Variants in ZNF254 observed in about 807,000 individuals in gnomAD.
ZNF254 encodes CTD-2017D11.1.
A neutral mutation model predicts 12.4 loss-of-function variants in ZNF254; 10 were observed. The observed-to-expected ratio is 0.80, with a 90% CI of 0.50 to 1.36. The LOEUF (loss-of-function observed/expected upper bound fraction) is 1.36, where lower values mean the gene tolerates loss of function less well. Among genes scored for constraint, ZNF254 ranks in the 40% most tolerant of loss-of-function variants. The pLI, the probability that ZNF254 is intolerant of heterozygous loss-of-function variation, is 0.00. For missense variants in ZNF254, 996 were observed against 763.9 expected, an observed-to-expected ratio of 1.30 and a Z score of -3.58; for synonymous variants, 305 against 253.4, an observed-to-expected ratio of 1.20 and a Z score of -1.93.
At chr19:24,087,078 T>G, upstream of ZNF254, 1 of 503,744 alleles carries the variant, frequency 2.0e-6, no homozygotes, top group Non-Finnish European at 3.7e-6. Flanking sequence ...TCACTCAGGG[T>G]CTGAGTAGGC....
intron 3 of ZNF254, among the ~76,000 whole-genome samples, chr19:24,116,165 T>A (rs930380983): frequency 2.0e-5 from 3 of 151,194 alleles, no homozygotes; most frequent in Non-Finnish European, 4.5e-5. Context: ...AATATGACAA[T>A]TATGTGTCTT....
At chr19:24,106,290 A>C (rs1812506146) in intron 2 of ZNF254, 3 of 614,294 alleles carry the variant, frequency 4.9e-6, no homozygotes, top group Non-Finnish European at 7.3e-6. Flanking sequence ...TAATTTCAGA[A>C]GTTTAGTGGC....
intron 1 of ZNF254, chr19:24,103,807 C>G (rs1208992494): frequency 2.0e-5 from 3 of 152,344 alleles, no homozygotes; most frequent in Non-Finnish European, 4.4e-5. Flanking sequence ...TCACTGCAAC[C>G]TCTGCCTCCC....
chr19:24,049,214 ATTTT>A (rs66491625), intron 2 of ZNF254, among the ~76,000 whole-genome samples: 6 of 40,866 alleles, frequency 1.5e-4, no homozygotes, highest in Middle Eastern at 0.021. Context: ...ATATATATAT[ATTTT>A]TTTTTTTTTT....
At chr19:24,115,661 A>G (rs1358962291) in intron 3 of ZNF254, among the ~76,000 whole-genome samples, 1 of 152,144 alleles carries the variant, frequency 6.6e-6, no homozygotes, top group African/African-American at 2.4e-5. Context: ...GTACCGTAAA[A>G]CTTAAAGTAT....
intron 1 of ZNF254, among the ~76,000 whole-genome samples, chr19:24,103,349 C>T (rs1973143193): frequency 6.6e-6 from 1 of 152,088 alleles, no homozygotes; most frequent in Non-Finnish European, 1.5e-5. Context: ...CATTTATGGA[C>T]CATTTCCAAA....
In ZNF254 at chr19:24,129,932, A is replaced by G. The variant is rs1309316846; in HGVS notation, c.*1952A>G. 3 of 152,144 alleles carry G rather than the reference A, an allele frequency of 2.0e-5. No homozygotes were observed. Among genetic ancestry groups the G allele is most frequent in the Non-Finnish European group, 4.4e-5 (3 of 68,016 alleles). 9.4% of individuals were successfully genotyped at this position (152,144 alleles called of 1,614,324 possible). ...AATTGATTTACATAAAATTAAATAT[A>G]TACTTCTATTAAAGATAAACCTTAG... On this transcript the variant is annotated 3_prime_UTR_variant, in exon 4 of 4. Coordinates refer to ENST00000357002, the MANE Select transcript of ZNF254 (RefSeq NM_203282.4).
intron 3 of ZNF254, among the ~76,000 whole-genome samples, chr19:24,117,426 T>C (rs6511684): frequency 0.49 from 74,148 of 152,028 alleles, 19,014 homozygotes; most frequent in African/African-American, 0.64. Context: ...GCCTCGCTGC[T>C]GCCTTGCAGT....
intron 3 of ZNF254, among the ~76,000 whole-genome samples, chr19:24,123,813 A>G (rs1974647611): frequency 6.6e-6 from 1 of 152,070 alleles, no homozygotes; most frequent in African/African-American, 2.4e-5. Context: ...CATTTGATTA[A>G]TATTTGCATG....
intron 2 of ZNF254, among the ~76,000 whole-genome samples, chr19:24,075,537 G>A (rs765793598): frequency 3.9e-5 from 6 of 152,138 alleles, no homozygotes; most frequent in Non-Finnish European, 7.4e-5. Context: ...GGGAGTGTAC[G>A]AATAGGGTGT....
intron 2 of ZNF254, among the ~76,000 whole-genome samples, chr19:24,056,754 A>T (rs941007983): frequency 2.6e-5 from 4 of 152,220 alleles, no homozygotes; most frequent in African/African-American, 9.6e-5. Flanking sequence ...GAGCATTGTG[A>T]CATATCACTC....
chr19:24,038,394 C>T (rs1039303600), intron 1 of ZNF254, among the ~76,000 whole-genome samples: 1 of 152,168 alleles, frequency 6.6e-6, no homozygotes, highest in African/African-American at 2.4e-5. Context: ...GTCAGTTCTT[C>T]TACTTGAGAA....
intron 3 of ZNF254, among the ~76,000 whole-genome samples, chr19:24,122,731 C>T (rs1974566381): frequency 6.6e-6 from 1 of 151,988 alleles, no homozygotes; most frequent in Non-Finnish European, 1.5e-5. Flanking sequence ...TTTTATATTT[C>T]AAATTATATC....
At chr19:24,088,820 C>T (rs943584103) in intron 1 of ZNF254, among the ~76,000 whole-genome samples, 1 of 151,794 alleles carries the variant, frequency 6.6e-6, no homozygotes, top group Non-Finnish European at 1.5e-5. Flanking sequence ...CCACGCCTGG[C>T]TAATTTTTGT....
intron 2 of ZNF254, among the ~76,000 whole-genome samples, chr19:24,057,797 CTCAT>C (rs1303872677): frequency 1.3e-5 from 2 of 152,238 alleles, no homozygotes; most frequent in Non-Finnish European, 2.9e-5. Context: ...GATTGTGTCT[CTCAT>C]TCAATGATTC....
chr19:24,103,112 A>C (rs1184099424), intron 1 of ZNF254, among the ~76,000 whole-genome samples: 6 of 152,236 alleles, frequency 3.9e-5, no homozygotes, highest in African/African-American at 1.4e-4. Flanking sequence ...AGACTTACTC[A>C]GAAAATTGCT....
At chr19:24,068,046 C>T (rs1390866504) in intron 2 of ZNF254, among the ~76,000 whole-genome samples, 1 of 152,198 alleles carries the variant, frequency 6.6e-6, no homozygotes, top group Non-Finnish European at 1.5e-5. Flanking sequence ...ATCACTGCAT[C>T]TGACATTAGG....
chr19:24,034,083 G>T (rs886771615), intron 1 of ZNF254, among the ~76,000 whole-genome samples: 30 of 152,060 alleles, frequency 2.0e-4, no homozygotes, highest in African/African-American at 7.2e-4. Context: ...TCAGCCCTCC[G>T]AAAAGCTGGG....
chr19:24,051,110 A>G (rs55739243), intron 2 of ZNF254, among the ~76,000 whole-genome samples: 24,267 of 152,146 alleles, frequency 0.16, 2,107 homozygotes, highest in Middle Eastern at 0.23. Flanking sequence ...CCTGAGCCCT[A>G]TCTGTGAGGG....
Sources: allele counts gnomAD v4.1 joint callset (sites outside exome capture counted in the v4.1 genomes callset), GRCh38; gene constraint gnomAD v4.1.1; transcripts MANE v1.5; gene names NCBI Gene and HGNC (gene_info 2026-07-23, HGNC 2026-07-21).